Variants in IRAG1 observed in about 807,000 individuals in gnomAD.
The protein encoded by IRAG1 is IP3R-associated cGMP kinase substrate.
IRAG1 carries 62 observed loss-of-function variants against 106.2 expected under a neutral mutation model. The ratio of observed to expected loss-of-function variants is 0.58; its 90% CI spans 0.48 to 0.72. IRAG1 has a LOEUF of 0.72. Ranked by LOEUF, IRAG1 falls within the 30% of genes least tolerant of loss-of-function variation. The probability of loss-of-function intolerance (pLI) is 0.00; values close to 1 mark genes in which losing one functional copy is unlikely to be tolerated. For missense variants in IRAG1, 1,064 were observed against 1,140.7 expected, an observed-to-expected ratio of 0.93 and a Z score of 0.97; for synonymous variants, 462 against 443.9, an observed-to-expected ratio of 1.04 and a Z score of -0.51.
intron 1 of IRAG1, chr11:10,652,451 G>T: frequency 1.2e-6 from 1 of 808,432 alleles, no homozygotes; most frequent in Non-Finnish European, 1.8e-6. Context: ...AATGTGCTTC[G>T]AACTCCTCAA....
intron 4 of IRAG1, 101 bp from the exon 5 acceptor site, chr11:10,629,812 T>C: frequency 7.7e-7 from 1 of 1,291,776 alleles, no homozygotes; most frequent in Non-Finnish European, 1.1e-6. Flanking sequence ...TGCCCACAGC[T>C]GACCCAGCCA....
At chr11:10,609,329 G>C (rs975107216) in intron 11 of IRAG1, among the ~76,000 whole-genome samples, 1 of 152,092 alleles carries the variant, frequency 6.6e-6, no homozygotes, top group Non-Finnish European at 1.5e-5. Context: ...GATCACTTGA[G>C]GCCAGGAGTT....
In IRAG1 at chr11:10,626,225, A is replaced by G. The variant is rs772804010; in HGVS notation, c.1109T>C (p.Met370Thr). Residue 370 changes from methionine to threonine, a missense_variant, in exon 9 of 21, where the codon ATG becomes ACG. Physicochemically the swap from Met to Thr is moderately conservative, Grantham distance 81 (BLOSUM62 -1). Coordinates refer to ENST00000423302, the MANE Select transcript of IRAG1 (RefSeq NM_130385.4). ...SQGRGPAGEP[M>T]GPEAGSKAEL... Reference sequence around the variant, plus strand: ...AGCTTTGGAGCCAGCCTCGGGCCCCATCGGCTCTCCAGCTGGGCCTCTCCC... The same window carrying G: ...AGCTTTGGAGCCAGCCTCGGGCCCCGTCGGCTCTCCAGCTGGGCCTCTCCC... 31 of 1,598,128 alleles carry G rather than the reference A, an allele frequency of 1.9e-5. No individual in the cohort carries two copies. Among genetic ancestry groups the G allele is most frequent in the Non-Finnish European group, 2.2e-5 (26 of 1,170,584 alleles).
chr11:10,582,135 C>T, intron 18 of IRAG1, 149 bp from the exon 19 acceptor site: 2 of 1,027,900 alleles, frequency 1.9e-6, no homozygotes, highest in Non-Finnish European at 2.7e-6. Flanking sequence ...TCCTTCTACC[C>T]TGAGACAAGA....
chr11:10,656,977 G>A (rs1198304996), intron 1 of IRAG1, among the ~76,000 whole-genome samples: 1 of 152,166 alleles, frequency 6.6e-6, no homozygotes, highest in Non-Finnish European at 1.5e-5. Context: ...TGTCGGGCCG[G>A]GGTCTTATGA....
Position 10,573,885 on chromosome 11 carries a change from G to A in IRAG1, c.*2447C>T, listed in dbSNP as rs1313983660. On this transcript the variant is annotated 3_prime_UTR_variant, in exon 21 of 21. Coordinates refer to ENST00000423302, the MANE Select transcript of IRAG1 (RefSeq NM_130385.4). ...TTGCATCCTGTCTTTGGCTCTGAGG[G>A]CCTCATGTAGCTAAAGCTCCTTCAG... 6.6e-6 allele frequency: 1 copy of A among 152,254 alleles called. No homozygotes were observed. The highest frequency in any genetic ancestry group is 1.5e-5 in the Non-Finnish European group (1 of 68,092). The allele number at this position is 152,254 out of a possible 1,614,324, so 9.4% of individuals were successfully genotyped here.
chr11:10,621,117 G>GT (rs138911515), intron 10 of IRAG1, among the ~76,000 whole-genome samples: 4,002 of 152,246 alleles, frequency 0.026, 84 homozygotes, highest in African/African-American at 0.057. Context: ...TTTTTCCAGT[G>GT]TTTTAAATAT....
At chr11:10,602,144 C>T (rs749293655) in intron 14 of IRAG1, among the ~76,000 whole-genome samples, 4 of 152,202 alleles carry the variant, frequency 2.6e-5, no homozygotes, top group Non-Finnish European at 4.4e-5. Context: ...GGAGTGACTT[C>T]CTGGGCACCA....
Position 10,659,958 on chromosome 11 carries a change from G to A in IRAG1, c.68-7776C>T, listed in dbSNP as rs1859263397. On this transcript the variant is annotated intron_variant, in intron 1 of 20. Coordinates refer to ENST00000423302, the MANE Select transcript of IRAG1 (RefSeq NM_130385.4). The surrounding 1 kb of genome is among the most constrained non-coding windows in gnomAD (Gnocchi z 4.1). ...GGGTCAAGGACCACACGGCATTCTG[G>A]GTCTGTGAGATCCCATAAAGGGCAG... Among the ~76,000 whole-genome samples, 1 of 152,134 alleles carries A rather than the reference G, an allele frequency of 6.6e-6. No homozygotes were observed. The highest frequency in any genetic ancestry group is 2.1e-4 in the South Asian group (1 of 4,832).
At chr11:10,633,251 A>T (rs1321982050) in intron 3 of IRAG1, among the ~76,000 whole-genome samples, 2 of 151,726 alleles carry the variant, frequency 1.3e-5, no homozygotes, top group African/African-American at 4.8e-5. Flanking sequence ...ATTTTTCTGT[A>T]TTTGTAGTAG....
intron 1 of IRAG1, among the ~76,000 whole-genome samples, chr11:10,690,025 G>C (rs1861938617): frequency 6.6e-6 from 1 of 152,110 alleles, no homozygotes; most frequent in Non-Finnish European, 1.5e-5. Context: ...AAAAGTAATA[G>C]GAAGAAAGTA....
chr11:10,593,519 T>C lies in IRAG1; in HGVS notation c.2148A>G (p.Ser716=). The change falls in exon 17 of 21, where the codon TCA becomes TCG. Residue 716 remains serine (S), a synonymous_variant. Transcript: ENST00000423302. ...AGGCTGGTAAGGAGGGAATGGATGA[T>C]GAGCTGGGAGTTTGGCCAGGCAGAT... The part of the protein sequence containing the change: ...ALNLPGQTPS[S]SSIPSLPALS... 2 of 1,613,736 alleles carry C rather than the reference T, an allele frequency of 1.2e-6. No individual in the cohort carries two copies. The highest frequency in any genetic ancestry group is 1.7e-6 in the Non-Finnish European group (2 of 1,179,706).
intron 5 of IRAG1, 89 bp downstream of exon 5, chr11:10,629,449 G>A: frequency 1.4e-6 from 2 of 1,425,696 alleles, no homozygotes; most frequent in South Asian, 2.7e-5. Flanking sequence ...CTCCTCGGAG[G>A]TGAGGCGCCC....
rs192962548 is a variant in IRAG1, at chr11:10,584,341, C to T, written c.2241-2355G>A. Among the ~76,000 whole-genome samples, 116 of 152,160 alleles carry T rather than the reference C, an allele frequency of 7.6e-4. 2 individuals are homozygous for T. In the East Asian group the frequency reaches 0.018, roughly 23 times the overall value. ...CTTTTAAAATTTACATTTAGTCAGG[C>T]TGGAAACCACAACCCATTGTGAACA... On this transcript the variant is annotated intron_variant, in intron 18 of 20. Coordinates refer to ENST00000423302, the MANE Select transcript of IRAG1 (RefSeq NM_130385.4).
intron 1 of IRAG1, among the ~76,000 whole-genome samples, chr11:10,671,150 T>G (rs1860186491): frequency 6.6e-6 from 1 of 152,188 alleles, no homozygotes; most frequent in Non-Finnish European, 1.5e-5. Context: ...GAAATAAAAA[T>G]TCTCTAGACT....
chr11:10,601,444 C>A (rs1853995929), intron 14 of IRAG1, among the ~76,000 whole-genome samples: 1 of 152,148 alleles, frequency 6.6e-6, no homozygotes, highest in Admixed American at 6.5e-5. Context: ...AGTCTAGAGG[C>A]AGGGAAGCAC....
Position 10,626,572 on chromosome 11 carries a change from T to C in IRAG1, c.762A>G (p.Lys254=). ...SPHPGEPNVP[K]GLADRKQNDQ... ...CATTCTGCTTCCTGTCAGCTAGCCC[T>C]TTGGGGACGTTCTGAAAAAGACAAG... Residue 254 remains lysine (K), a synonymous_variant, in exon 9 of 21, where the codon AAA becomes AAG. Coordinates refer to ENST00000423302, the MANE Select transcript of IRAG1 (RefSeq NM_130385.4). The C allele has an allele frequency of 6.2e-7, 1 of 1,601,940 alleles. No homozygotes were observed. Among genetic ancestry groups the C allele is most frequent in the Non-Finnish European group, 8.5e-7 (1 of 1,172,544 alleles).
chr11:10,663,428 A>G (rs1252382546), intron 1 of IRAG1, among the ~76,000 whole-genome samples: 1 of 152,202 alleles, frequency 6.6e-6, no homozygotes, highest in Non-Finnish European at 1.5e-5. Flanking sequence ...GAAAGTCAGA[A>G]GGAAAAGATG....
At position 10,593,296 on chromosome 11, in the gene IRAG1, G is replaced by A. The variant is rs878858359; in HGVS notation, c.2175+196C>T. On this transcript the variant is annotated intron_variant, in intron 17 of 20. Transcript: ENST00000423302. ...GCCAACACCATGCTGAGGGCAGTGG[G>A]ACTTCCCAGAGTAGTAGAATACATG... 1.8e-5 allele frequency: 8 copies of A among 450,068 alleles called. No individual in the cohort carries two copies. In the South Asian group the frequency reaches 2.1e-4, roughly 12 times the overall value. 27.9% of individuals were successfully genotyped at this position (450,068 alleles called of 1,614,324 possible). A position where few individuals can be genotyped will look rare whatever the true frequency, so the allele number is the denominator to read the frequency against.
Sources: gnomAD v4.1 joint callset for allele counts (sites outside exome capture counted in the v4.1 genomes callset) on GRCh38, gnomAD v4.1.1 for gene constraint, Gnocchi (gnomAD v3.1) non-coding constraint, MANE v1.5 for transcripts, NCBI Gene and HGNC (gene_info 2026-07-23, HGNC 2026-07-21) for gene names.